The following OSBPL3 variants were observed in gnomAD, a reference collection of about 807,000 sequenced individuals.
The protein encoded by OSBPL3 is oxysterol binding protein like 3, also known as oxysterol-binding protein-related protein 3.
Under a neutral mutation model 120.1 loss-of-function variants are expected in OSBPL3, and 65 were observed. That is an observed-to-expected ratio of 0.54 (90% CI 0.44 to 0.67). OSBPL3 has a LOEUF of 0.67. Among genes scored for constraint, OSBPL3 ranks in the 30% least tolerant of loss-of-function variants. The pLI is 0.00. For synonymous variants in OSBPL3, 416 were observed against 402.6 expected, an observed-to-expected ratio of 1.03 and a Z score of -0.40; for missense variants, 1,004 against 1,082.1, an observed-to-expected ratio of 0.93 and a Z score of 1.01.
At position 24,834,648 on chromosome 7, in the gene OSBPL3, C is replaced by T; in HGVS notation, c.1584G>A (p.Leu528=). 1 of 1,614,218 alleles carries T rather than the reference C, an allele frequency of 6.2e-7. No homozygotes were observed. Among genetic ancestry groups the T allele is most frequent in the South Asian group, 1.1e-5 (1 of 91,078 alleles). The change falls in exon 15 of 23, where the codon CTG becomes CTA. Residue 528 remains leucine, a synonymous_variant. Transcript: ENST00000313367. This position sits in a 1 kb window ranked among gnomAD's most constrained non-coding sequence, Gnocchi z 5.2. ...CGATGTTGTTCCTCAGGATGTTCCACAGGCTGATGTTACTGCTGCTCGGGC... is the reference window on the plus strand; with the variant it reads ...CGATGTTGTTCCTCAGGATGTTCCATAGGCTGATGTTACTGCTGCTCGGGC... The part of the protein sequence containing the change: ...APCPSSSNIS[L]WNILRNNIGK...
intron 1 of OSBPL3, among the ~76,000 whole-genome samples, chr7:24,945,161 A>C (rs1813568205): frequency 1.3e-5 from 2 of 152,198 alleles, no homozygotes; most frequent in African/African-American, 4.8e-5. Flanking sequence ...CTTCATTTCA[A>C]ATCTAGTACC....
chr7:24,851,320 T>G lies in OSBPL3; in HGVS notation c.1158+1184A>C, dbSNP rs1296856473. On this transcript the variant is annotated intron_variant, in intron 11 of 22. Transcript: ENST00000313367. This position sits in a 1 kb window ranked among gnomAD's most constrained non-coding sequence, Gnocchi z 4.1. ...GACAACGTTAAGACTCTTCTTTATA[T>G]ATGGAGCAAGCCAATGTTATTTTTA... 6.6e-6 allele frequency among the ~76,000 whole-genome samples: 1 copy of G among 152,238 alleles called. No homozygotes were observed. Among genetic ancestry groups the G allele is most frequent in the Non-Finnish European group, 1.5e-5 (1 of 68,036 alleles).
rs1184119105 is a variant in OSBPL3, at chr7:24,817,905, A to G, written c.1949-1217T>C. Among the ~76,000 whole-genome samples, 1 of 152,216 alleles carries G rather than the reference A, an allele frequency of 6.6e-6. No individual in the cohort carries two copies. The highest frequency in any genetic ancestry group is 1.5e-5 in the Non-Finnish European group (1 of 68,032). On this transcript the variant is annotated intron_variant, in intron 17 of 22. Transcript: ENST00000313367. The surrounding 1 kb of genome is among the most constrained non-coding windows in gnomAD (Gnocchi z 4.0). ...TTGCAATGAATGGTGGTACCAACAG[A>G]GAAGCCAGGAAATAGAAAAAGAACA...
chr7:24,891,834 A>G lies in OSBPL3; in HGVS notation c.96+543T>C, dbSNP rs979932592. The stretch of plus-strand genomic sequence containing the variant: ...TTCTGTAGATTAGGTTACCTCATCC[A>G]TTATAGATATAAAGCAGGTGAGTCT... On this transcript the variant is annotated intron_variant, in intron 2 of 22. Coordinates refer to ENST00000313367, the MANE Select transcript of OSBPL3 (RefSeq NM_015550.4). The surrounding 1 kb of genome is among the most constrained non-coding windows in gnomAD (Gnocchi z 4.1). Among the ~76,000 whole-genome samples the G allele has an allele frequency of 6.6e-6, 1 of 152,236 alleles. No individual in the cohort carries two copies. The highest frequency in any genetic ancestry group is 1.9e-4 in the East Asian group (1 of 5,196).
Position 24,866,176 on chromosome 7 carries a change from C to T in OSBPL3, c.443G>A (p.Arg148His), listed in dbSNP as rs201132926. 9.1e-5 allele frequency: 147 copies of T among 1,612,930 alleles called. No individual in the cohort carries two copies. Among genetic ancestry groups the T allele is most frequent in the Admixed American group, 2.8e-4 (17 of 60,012 alleles). Residue 148 changes from arginine (R) to histidine (H), a missense_variant, in exon 6 of 23, where the codon CGT (arginine) becomes CAT (histidine). Physicochemically the swap from Arg to His is conservative, Grantham distance 29 (BLOSUM62 0). Transcript: ENST00000313367. Reference protein sequence around the residue: ...VSKLRHHRMYRQNEIAMFPHE... With the variant: ...VSKLRHHRMYHQNEIAMFPHE... ...TGGAAACATGGCAATTTCATTCTGA[C>T]GATACATTCTGTGGTGGCGAAGTTT... is the stretch of plus-strand genomic sequence containing the variant.
In OSBPL3 at chr7:24,861,620, G is replaced by C; in HGVS notation, c.1020C>G (p.Ala340=). 1 of 1,588,708 alleles carries C rather than the reference G, an allele frequency of 6.3e-7. No homozygotes were observed. The highest frequency in any genetic ancestry group is 8.6e-7 in the Non-Finnish European group (1 of 1,169,338). ...SKMQEDLCHI[A]HKVYFTLRSA... ...GAAAGAAAACTCATTTACCTTTATG[G>C]GCAATATGACACAGATCTTCTTGCA... The change falls in exon 10 of 23, where the codon GCC becomes GCG. Residue 340 remains alanine (A), a synonymous_variant. Coordinates refer to ENST00000313367, the MANE Select transcript of OSBPL3 (RefSeq NM_015550.4).
chr7:24,927,216 C>G (rs535538341), intron 1 of OSBPL3, among the ~76,000 whole-genome samples: 1 of 152,242 alleles, frequency 6.6e-6, no homozygotes, highest in Admixed American at 6.5e-5. Flanking sequence ...AAGAAAGAAG[C>G]CAGCAGGGGA....
intron 2 of OSBPL3, among the ~76,000 whole-genome samples, chr7:24,888,334 A>G (rs960795673): frequency 5.3e-5 from 8 of 152,214 alleles, no homozygotes; most frequent in African/African-American, 1.9e-4. Context: ...GCTATGAGAA[A>G]AGAACTATTA....
In OSBPL3 at chr7:24,894,593, T is replaced by A. The variant is rs1805858109; in HGVS notation, c.-149-1972A>T. Among the ~76,000 whole-genome samples the A allele has an allele frequency of 1.3e-5, 2 of 152,142 alleles. No homozygotes were observed. Among genetic ancestry groups the A allele is most frequent in the Admixed American group, 1.3e-4 (2 of 15,266 alleles). The stretch of plus-strand genomic sequence containing the variant: ...GGCGGGGAGGGGGCATCCACTGCTA[T>A]GGCAACAGATTCCACAGTGGATTAG... On this transcript the variant is annotated intron_variant, in intron 1 of 22. Transcript: ENST00000313367. The surrounding 1 kb of genome is among the most constrained non-coding windows in gnomAD (Gnocchi z 4.1).
At chr7:24,809,277 G>T (rs965432752) in intron 20 of OSBPL3, among the ~76,000 whole-genome samples, 2 of 152,126 alleles carry the variant, frequency 1.3e-5, no homozygotes, top group Admixed American at 6.5e-5. Flanking sequence ...GTATGGTGGG[G>T]ACATGCTGAT....
Position 24,797,584 on chromosome 7 carries a change from G to A in OSBPL3, c.*2599C>T, listed in dbSNP as rs550229381. The A allele has an allele frequency of 6.6e-6, 1 of 152,252 alleles. No individual in the cohort carries two copies. The highest frequency in any genetic ancestry group is 2.4e-5 in the African/African-American group (1 of 41,528). The allele number at this position is 152,252 out of a possible 1,614,324, so 9.4% of individuals were successfully genotyped here. On this transcript the variant is annotated 3_prime_UTR_variant, in exon 23 of 23. Coordinates refer to ENST00000313367, the MANE Select transcript of OSBPL3 (RefSeq NM_015550.4). The surrounding 1 kb of genome is among the most constrained non-coding windows in gnomAD (Gnocchi z 4.8). ...TGGCTCTCCTGCTACACTGGAGACT[G>A]TTAGCTCATTTCTGAATGGATTTCC...
Position 24,939,128 on chromosome 7 carries a change from G to A in OSBPL3, c.-150+40758C>T, listed in dbSNP as rs1812790347. On this transcript the variant is annotated intron_variant, in intron 1 of 22. Transcript: ENST00000313367. This position sits in a 1 kb window ranked among gnomAD's most constrained non-coding sequence, Gnocchi z 4.2. ...TGAGGTAAGTATCCCAGGAAATGCA[G>A]TATTTAAGAGAAAGAAAGAGAAAAG... Among the ~76,000 whole-genome samples, 1 of 152,098 alleles carries A rather than the reference G, an allele frequency of 6.6e-6. No individual in the cohort carries two copies. Among genetic ancestry groups the A allele is most frequent in the Admixed American group, 6.6e-5 (1 of 15,264 alleles).
intron 12 of OSBPL3, among the ~76,000 whole-genome samples, chr7:24,845,438 TG>T (rs1226469721): frequency 3.2e-5 from 4 of 123,184 alleles, no homozygotes; most frequent in African/African-American, 1.6e-4. Flanking sequence ...TATCTGTATT[TG>T]TGTGTATGTG....
chr7:24,903,031 A>T (rs1456866456), intron 1 of OSBPL3, among the ~76,000 whole-genome samples: 1 of 152,186 alleles, frequency 6.6e-6, no homozygotes, highest in Non-Finnish European at 1.5e-5. Flanking sequence ...TAAATAAATT[A>T]CTTTTTCTTA....
At chr7:24,970,664 G>A (rs1816912782) in intron 1 of OSBPL3, among the ~76,000 whole-genome samples, 1 of 152,194 alleles carries the variant, frequency 6.6e-6, no homozygotes, top group Non-Finnish European at 1.5e-5. Context: ...ATTCTTTGAG[G>A]TCGGGGCTGT....
In OSBPL3 at chr7:24,883,044, C is replaced by T. The variant is rs1252681452; in HGVS notation, c.96+9333G>A. 6.6e-6 allele frequency among the ~76,000 whole-genome samples: 1 copy of T among 152,082 alleles called. No homozygotes were observed. Among genetic ancestry groups the T allele is most frequent in the Non-Finnish European group, 1.5e-5 (1 of 68,008 alleles). On this transcript the variant is annotated intron_variant, in intron 2 of 22. Coordinates refer to ENST00000313367, the MANE Select transcript of OSBPL3 (RefSeq NM_015550.4). The surrounding 1 kb of genome is among the most constrained non-coding windows in gnomAD (Gnocchi z 5.4). ...TGCAGGTAGTCTGTTCACTGTTTTC[C>T]TTTTGCTGTGCAGAAACTTTTTAGT...
At position 24,971,909 on chromosome 7, in the gene OSBPL3, C is replaced by T. The variant is rs184414996; in HGVS notation, c.-150+7977G>A. Among the ~76,000 whole-genome samples the T allele has an allele frequency of 2.6e-5, 4 of 152,274 alleles. No homozygotes were observed. The East Asian group carries it at 7.7e-4, about 29-fold the overall frequency. On this transcript the variant is annotated intron_variant, in intron 1 of 22. Coordinates refer to ENST00000313367, the MANE Select transcript of OSBPL3 (RefSeq NM_015550.4). ...TAGCTCCAACAAGCTCCGAAGGAAACCTCAGTTAATTCTATATATGCCAGG... is the reference window on the plus strand; with the variant it reads ...TAGCTCCAACAAGCTCCGAAGGAAATCTCAGTTAATTCTATATATGCCAGG...
chr7:24,973,736 T>C (rs1480412394), intron 1 of OSBPL3, among the ~76,000 whole-genome samples: 2 of 152,240 alleles, frequency 1.3e-5, no homozygotes, highest in African/African-American at 4.8e-5. Context: ...CACAAGCTTC[T>C]GCAAAGAAGC....
At chr7:24,961,983 T>C (rs937398003) in intron 1 of OSBPL3, among the ~76,000 whole-genome samples, 8 of 152,194 alleles carry the variant, frequency 5.3e-5, no homozygotes, top group African/African-American at 1.9e-4. Context: ...AACTCCCCAT[T>C]TTGGTACCAG....
Sources: allele counts gnomAD v4.1 joint callset (sites outside exome capture counted in the v4.1 genomes callset), GRCh38; gene constraint gnomAD v4.1.1; non-coding constraint Gnocchi (gnomAD v3.1); transcripts MANE v1.5; gene names NCBI Gene and HGNC (gene_info 2026-07-23, HGNC 2026-07-21).